The following ZNF385D variants were observed in gnomAD, a reference collection of about 807,000 sequenced individuals.
ZNF385D encodes zinc finger protein 659.
In ZNF385D, 15 loss-of-function variants were observed where a neutral mutation model predicts 35.8. The observed-to-expected ratio is 0.42, with a 90% CI of 0.28 to 0.64. The LOEUF (loss-of-function observed/expected upper bound fraction) is 0.64, where lower values mean the gene tolerates loss of function less well. Ranked by LOEUF, ZNF385D falls within the 30% of genes least tolerant of loss-of-function variation. The pLI is 0.23. For missense variants in ZNF385D, 474 were observed against 494.6 expected (o/e 0.96, Z 0.39); for synonymous variants, 212 against 186.8 (o/e 1.13, Z -1.10).
chr3:21,918,408 T>A (rs749545090), intron 3 of ZNF385D, among the ~76,000 whole-genome samples: 3 of 151,990 alleles, frequency 2.0e-5, no homozygotes, highest in East Asian at 3.9e-4. Context: ...TATCTGAAAA[T>A]AGAGCAAGTA....
chr3:21,795,271 C>T (rs1195305572), intron 3 of ZNF385D, among the ~76,000 whole-genome samples: 1 of 152,138 alleles, frequency 6.6e-6, no homozygotes, highest in South Asian at 2.1e-4. Context: ...CCTCAGGGGC[C>T]CCATTGGACC....
intron 2 of ZNF385D, among the ~76,000 whole-genome samples, chr3:22,292,657 T>A (rs561577032): frequency 6.6e-6 from 1 of 152,262 alleles, no homozygotes; most frequent in South Asian, 2.1e-4. Flanking sequence ...AGGGAAGGAA[T>A]CAGATACAAA....
chr3:22,219,182 CATATT>C (rs1698086748), intron 2 of ZNF385D, among the ~76,000 whole-genome samples: 1 of 152,090 alleles, frequency 6.6e-6, no homozygotes, highest in Non-Finnish European at 1.5e-5. Context: ...ACTATGAAGA[CATATT>C]ATTCTTTGAT....
At chr3:22,357,082 G>A (rs978222561) in intron 2 of ZNF385D, among the ~76,000 whole-genome samples, 7 of 151,856 alleles carry the variant, frequency 4.6e-5, no homozygotes, top group Non-Finnish European at 1.0e-4. Context: ...TTCCATCATT[G>A]ATTATCAAGA....
chr3:21,474,620 A>G (rs114823193), intron 4 of ZNF385D, among the ~76,000 whole-genome samples: 1 of 152,130 alleles, frequency 6.6e-6, no homozygotes, highest in African/African-American at 2.4e-5. Context: ...AATTTCTCCC[A>G]TTTTACTTTG....
At chr3:22,267,156 G>GTTCA (rs1392926299) in intron 2 of ZNF385D, among the ~76,000 whole-genome samples, 2 of 152,034 alleles carry the variant, frequency 1.3e-5, no homozygotes, top group Admixed American at 6.6e-5. Context: ...ATCTGAAAGA[G>GTTCA]TTCAACTTGC....
chr3:22,005,127 A>G (rs1696121909), intron 3 of ZNF385D, among the ~76,000 whole-genome samples: 1 of 151,514 alleles, frequency 6.6e-6, no homozygotes, highest in South Asian at 2.1e-4. Context: ...GGCAAAGAAT[A>G]TGAATAGACA....
At chr3:22,284,092 C>T (rs1183451804) in intron 2 of ZNF385D, among the ~76,000 whole-genome samples, 2 of 152,152 alleles carry the variant, frequency 1.3e-5, no homozygotes, top group East Asian at 1.9e-4. Context: ...TTACTTGAGG[C>T]AAGATAGTAC....
At chr3:22,345,635 A>C (rs1695624003) in intron 2 of ZNF385D, among the ~76,000 whole-genome samples, 1 of 152,354 alleles carries the variant, frequency 6.6e-6, no homozygotes, top group South Asian at 2.1e-4. Context: ...AAAATAAAGC[A>C]GCTAGGTACA....
At chr3:22,188,188 G>C (rs1695768715) in intron 2 of ZNF385D, among the ~76,000 whole-genome samples, 1 of 152,096 alleles carries the variant, frequency 6.6e-6, no homozygotes, top group African/African-American at 2.4e-5. Flanking sequence ...TTATTCTGTG[G>C]ACAAAGACAA....
chr3:21,637,585 A>G (rs959031309), intron 2 of ZNF385D, among the ~76,000 whole-genome samples: 1 of 152,060 alleles, frequency 6.6e-6, no homozygotes, highest in Non-Finnish European at 1.5e-5. Flanking sequence ...TGCTTTGGCT[A>G]TGCGGGTAGA....
intron 3 of ZNF385D, among the ~76,000 whole-genome samples, chr3:21,800,859 GTTTC>G (rs2125684165): frequency 1.3e-5 from 2 of 151,104 alleles, no homozygotes; most frequent in African/African-American, 4.8e-5. Context: ...GTATACTTTT[GTTTC>G]TTTTTCTTGC....
At chr3:21,648,174 G>A (rs929251251) in intron 2 of ZNF385D, among the ~76,000 whole-genome samples, 1 of 152,120 alleles carries the variant, frequency 6.6e-6, no homozygotes, top group Non-Finnish European at 1.5e-5. Flanking sequence ...GAGTTGATTG[G>A]ATCATGAGGG....
chr3:21,887,877 T>C (rs1305244999), intron 3 of ZNF385D, among the ~76,000 whole-genome samples: 1 of 152,124 alleles, frequency 6.6e-6, no homozygotes, highest in African/African-American at 2.4e-5. Context: ...TGAGTTAAAA[T>C]ACTGTTGTTT....
At chr3:21,822,172 C>A (rs1397659232) in intron 3 of ZNF385D, among the ~76,000 whole-genome samples, 1 of 151,860 alleles carries the variant, frequency 6.6e-6, no homozygotes, top group East Asian at 2.0e-4. Context: ...CCTGGATTCA[C>A]GCCATTCTCA....
chr3:21,470,395 C>T (rs565408825), intron 4 of ZNF385D, among the ~76,000 whole-genome samples: 16 of 152,238 alleles, frequency 1.1e-4, no homozygotes, highest in Admixed American at 7.9e-4. Flanking sequence ...ATTCTGCCTA[C>T]ATTGTCCCCA....
At chr3:22,211,348 C>T (rs1314035535) in intron 2 of ZNF385D, among the ~76,000 whole-genome samples, 2 of 151,930 alleles carry the variant, frequency 1.3e-5, no homozygotes, top group Admixed American at 1.3e-4. Context: ...TCATCCTAGT[C>T]TCCCATCTTT....
At chr3:21,766,663 G>A (rs931876189) in intron 3 of ZNF385D, among the ~76,000 whole-genome samples, 3 of 152,086 alleles carry the variant, frequency 2.0e-5, no homozygotes, top group Non-Finnish European at 4.4e-5. Flanking sequence ...ATGGCATGGA[G>A]AATAGAGATA....
chr3:21,652,436 G>A (rs1049283683), intron 2 of ZNF385D, among the ~76,000 whole-genome samples: 6 of 151,510 alleles, frequency 4.0e-5, no homozygotes, highest in Non-Finnish European at 7.4e-5. Context: ...TAATGATATA[G>A]GTAGCAAATA....
Sources: allele counts gnomAD v4.1 joint callset (sites outside exome capture counted in the v4.1 genomes callset), GRCh38; gene constraint gnomAD v4.1.1; transcripts MANE v1.5; gene names NCBI Gene and HGNC (gene_info 2026-07-23, HGNC 2026-07-21).